MCHR2: variants seen among roughly 807,000 people sequenced by gnomAD.
MCHR2 encodes the protein melanin concentrating hormone receptor 2, also known as melanin-concentrating hormone receptor 2.
Under a neutral mutation model 24.8 loss-of-function variants are expected in MCHR2, and 15 were observed. The ratio of observed to expected loss-of-function variants is 0.60; its 90% confidence interval spans 0.40 to 0.93. MCHR2 has a LOEUF of 0.93. MCHR2 is among the 40% of genes least tolerant of loss of function. The probability of loss-of-function intolerance (pLI) is 0.00; values close to 1 mark genes in which losing one functional copy is unlikely to be tolerated. For missense variants in MCHR2, 386 were observed against 408.7 expected, an observed-to-expected ratio of 0.94 and a Z score of 0.48; for synonymous variants, 151 against 147.6, an observed-to-expected ratio of 1.02 and a Z score of -0.17.
chr6:99,961,256 G>A (rs1056597712), intron 1 of MCHR2, among the ~76,000 whole-genome samples: 1 of 152,070 alleles, frequency 6.6e-6, no homozygotes, highest in African/African-American at 2.4e-5. Context: ...TACACTGTTG[G>A]TGGGAGTGTA....
At chr6:99,923,218 T>C (rs923748272) in intron 5 of MCHR2, among the ~76,000 whole-genome samples, 5 of 152,180 alleles carry the variant, frequency 3.3e-5, no homozygotes, top group African/African-American at 1.2e-4. Flanking sequence ...ATGCTACTGA[T>C]TTTTGTATGT....
intron 2 of MCHR2, among the ~76,000 whole-genome samples, chr6:99,954,935 G>T (rs1207409631): frequency 1.3e-5 from 2 of 151,986 alleles, no homozygotes; most frequent in Non-Finnish European, 2.9e-5. Context: ...ATTTAGACTT[G>T]GTCCCTTCTG....
chr6:99,944,955 G>A, intron 3 of MCHR2, among the ~76,000 whole-genome samples: 1 of 152,060 alleles, frequency 6.6e-6, no homozygotes, highest in Non-Finnish European at 1.5e-5. Context: ...CTGCCTGGCA[G>A]GATCTGCCTC....
intron 1 of MCHR2, among the ~76,000 whole-genome samples, chr6:99,973,563 A>G (rs1379419417): frequency 6.6e-6 from 1 of 152,172 alleles, no homozygotes; most frequent in Non-Finnish European, 1.5e-5. Flanking sequence ...GCCCATTTAC[A>G]TTTAAAGTTA....
intron 5 of MCHR2, among the ~76,000 whole-genome samples, chr6:99,927,497 CCT>C: frequency 6.6e-6 from 1 of 152,178 alleles, no homozygotes; most frequent in East Asian, 1.9e-4. Flanking sequence ...TTCTTTGTAT[CCT>C]CTTTTATTTC....
chr6:99,959,852 A>AATG (rs1202165171), intron 1 of MCHR2, among the ~76,000 whole-genome samples: 5 of 150,348 alleles, frequency 3.3e-5, no homozygotes, highest in Admixed American at 1.3e-4. Flanking sequence ...TAATAATAAT[A>AATG]ATAGGTAAAA....
intron 1 of MCHR2, among the ~76,000 whole-genome samples, chr6:99,985,431 C>T (rs1775751971): frequency 1.3e-5 from 2 of 152,026 alleles, no homozygotes; most frequent in Non-Finnish European, 2.9e-5. Context: ...TCAAATTATA[C>T]TATGGCTATA....
At chr6:99,979,399 T>C (rs1775621671) in intron 1 of MCHR2, among the ~76,000 whole-genome samples, 1 of 152,172 alleles carries the variant, frequency 6.6e-6, no homozygotes, top group Non-Finnish European at 1.5e-5. Flanking sequence ...TGAACTTCCC[T>C]ACAACCCCAG....
chr6:99,976,654 G>C (rs1775557648), intron 1 of MCHR2, among the ~76,000 whole-genome samples: 1 of 59,232 alleles, frequency 1.7e-5, no homozygotes, highest in Admixed American at 2.1e-4. Flanking sequence ...GTGCTCCCCA[G>C]CTACCTCATG....
Position 99,920,502 on chromosome 6 carries a change from T to TA in MCHR2, c.*437dup, listed in dbSNP as rs1201495143. On this transcript the variant is annotated 3_prime_UTR_variant, in exon 6 of 6. Transcript: ENST00000281806. Reference sequence around the variant, plus strand: ...TGGACCATATAAAACTGACATTTTTTATAGATAAAAAATAGCCAAATTTTA... The same window carrying TA: ...TGGACCATATAAAACTGACATTTTTTAATAGATAAAAAATAGCCAAATTTTA... 1.1e-4 allele frequency: 19 copies of TA among 168,932 alleles called. No homozygotes were observed. In the East Asian group the frequency reaches 2.9e-3, roughly 26 times the overall value. 10.5% of individuals were successfully genotyped at this position (168,932 alleles called of 1,614,324 possible).
chr6:99,942,279 A>T lies in MCHR2; in HGVS notation c.587+670T>A, dbSNP rs181801460. 2.6e-5 allele frequency among the ~76,000 whole-genome samples: 4 copies of T among 152,280 alleles called. No homozygotes were observed. In the East Asian group the frequency reaches 7.7e-4, roughly 29 times the overall value. On this transcript the variant is annotated intron_variant, in intron 4 of 5. Transcript: ENST00000281806. ...TTTGGTTCTTCAGAGGCTCTGAAGC[A>T]GAATCTGCTCTATGCCCCCTCCTAC...
chr6:99,973,908 A>G (rs536045405), intron 1 of MCHR2, among the ~76,000 whole-genome samples: 1 of 152,316 alleles, frequency 6.6e-6, no homozygotes, highest in African/African-American at 2.4e-5. Context: ...TCTGGCTTGT[A>G]GAGTTTCTGT....
chr6:99,962,345 T>C (rs893065568), intron 1 of MCHR2, among the ~76,000 whole-genome samples: 2 of 152,190 alleles, frequency 1.3e-5, no homozygotes, highest in South Asian at 2.1e-4. Flanking sequence ...TTAAAACTTA[T>C]GAATTGTTTA....
At chr6:99,956,310 A>G (rs1017912909) in intron 1 of MCHR2, 136 bp from the exon 2 acceptor site, 4 of 597,190 alleles carry the variant, frequency 6.7e-6, no homozygotes, top group African/African-American at 5.7e-5. Flanking sequence ...CAGGGTGAGT[A>G]TGATTGGTCC....
rs1295424321 is a variant in MCHR2, at chr6:99,928,525, G to T, written c.707+5873C>A. Among the ~76,000 whole-genome samples, 4 of 152,154 alleles carry T rather than the reference G, an allele frequency of 2.6e-5. No homozygotes were observed. The East Asian group carries it at 7.7e-4, about 29-fold the overall frequency. ...TGCCACAATTTCAGATCCTGTTATTGGTCTATTCAGAGATTCAACTTCTTC... is the reference window on the plus strand; with the variant it reads ...TGCCACAATTTCAGATCCTGTTATTTGTCTATTCAGAGATTCAACTTCTTC... On this transcript the variant is annotated intron_variant, in intron 5 of 5. Coordinates refer to ENST00000281806, the MANE Select transcript of MCHR2 (RefSeq NM_001040179.2).
Position 99,934,481 on chromosome 6 carries a change from G to GA in MCHR2, c.623dup (p.Leu210SerfsTer23), listed in dbSNP as rs759525627. ...AGCACACCAAAATCAAGGGTAGAGG[G>GA]AAAAAAAAAGTTGTTATCGTCAAAT... On this transcript the variant is annotated frameshift_variant, in exon 5 of 6. Transcript: ENST00000281806. LOFTEE classifies it high-confidence loss of function. 398 of 1,581,818 alleles carry GA rather than the reference G, an allele frequency of 2.5e-4. No homozygotes were observed. The highest frequency in any genetic ancestry group is 7.0e-4 in the Admixed American group (39 of 56,054).
chr6:99,981,477 G>A (rs745511665), intron 1 of MCHR2, among the ~76,000 whole-genome samples: 1 of 152,242 alleles, frequency 6.6e-6, no homozygotes, highest in Admixed American at 6.5e-5. Flanking sequence ...TCTGGCCAAT[G>A]GTATGTGTGG....
chr6:99,948,882 T>C (rs1348929885), intron 2 of MCHR2, among the ~76,000 whole-genome samples: 1 of 152,084 alleles, frequency 6.6e-6, no homozygotes, highest in African/African-American at 2.4e-5. Context: ...GCAAAGACTA[T>C]TAATAAAGAC....
At chr6:99,971,926 G>A (rs1359769501) in intron 1 of MCHR2, among the ~76,000 whole-genome samples, 1 of 152,180 alleles carries the variant, frequency 6.6e-6, no homozygotes, top group African/African-American at 2.4e-5. Context: ...TGATCATGGT[G>A]GATAAGCTTT....
Sources: allele counts gnomAD v4.1 joint callset (sites outside exome capture counted in the v4.1 genomes callset), GRCh38; gene constraint gnomAD v4.1.1; transcripts MANE v1.5; gene names NCBI Gene and HGNC (gene_info 2026-07-23, HGNC 2026-07-21).